The following DHX33 variants were observed in gnomAD, a reference collection of about 807,000 sequenced individuals.
DHX33 encodes the protein ATP-dependent RNA helicase DHX33.
In DHX33, 42 loss-of-function variants were observed where a neutral mutation model predicts 72.5. The observed-to-expected ratio is 0.58, with a 90% CI of 0.45 to 0.75. The LOEUF (loss-of-function observed/expected upper bound fraction) is 0.75, where lower values mean the gene tolerates loss of function less well. Ranked by LOEUF, DHX33 falls within the 30% of genes least tolerant of loss-of-function variation. The pLI is 0.00. For missense variants in DHX33, 842 were observed against 917.5 expected, an observed-to-expected ratio of 0.92 and a Z score of 1.06; for synonymous variants, 358 against 366.1, an observed-to-expected ratio of 0.98 and a Z score of 0.25.
rs1904675540 is a variant in DHX33, at chr17:5,462,318, C to T, written c.678+1G>A. On this transcript the variant is annotated splice_donor_variant, in intron 3 of 11. Coordinates refer to ENST00000225296, the MANE Select transcript of DHX33 (RefSeq NM_020162.4). LOFTEE classifies it high-confidence loss of function. The stretch of plus-strand genomic sequence containing the variant: ...ACTTTCAGGGGAAGTTTCCCTCATA[C>T]TTTCAGAGGAAGTTTCCCGAGTTCC... 6.2e-7 allele frequency: 1 copy of T among 1,613,356 alleles called. No homozygotes were observed. Among genetic ancestry groups the T allele is most frequent in the South Asian group, 1.1e-5 (1 of 91,042 alleles).
At position 5,456,202 on chromosome 17, in the gene DHX33, G is replaced by C. The variant is rs1567600943; in HGVS notation, c.850-20C>G. ...GGCTTCCTGTAAAAAAAGTAGAGTG[G>C]GTTTACTAGGCATTGATAGAATTGC... On this transcript the variant is annotated intron_variant, in intron 4 of 11. Coordinates refer to ENST00000225296, the MANE Select transcript of DHX33 (RefSeq NM_020162.4). The C allele has an allele frequency of 1.9e-6, 3 of 1,611,256 alleles. No individual in the cohort carries two copies. Among genetic ancestry groups the C allele is most frequent in the Non-Finnish European group, 2.5e-6 (3 of 1,177,734 alleles).
intron 4 of DHX33, among the ~76,000 whole-genome samples, chr17:5,457,832 A>C (rs940697131): frequency 2.6e-5 from 4 of 152,194 alleles, no homozygotes; most frequent in Non-Finnish European, 4.4e-5. Flanking sequence ...TGGTAACCTA[A>C]TGCACCAGCA....
rs1373325672 is a variant in DHX33 at position 5,468,953 on chromosome 17, G to T, written c.-94C>A. The T allele has an allele frequency of 3.1e-5, 38 of 1,240,378 alleles. No homozygotes were observed. Among genetic ancestry groups the T allele is most frequent in the Non-Finnish European group, 4.2e-5 (38 of 897,118 alleles). 76.8% of individuals were successfully genotyped at this position (1,240,378 alleles called of 1,614,324 possible). ...AGGAGCACACCGCCCCTTCCTCGCC[G>T]CCACGTGCTGGCGGCTCCCGGCGAC... On this transcript the variant is annotated 5_prime_UTR_variant, in exon 1 of 12. Transcript: ENST00000225296.
At position 5,444,805 on chromosome 17, in the gene DHX33, A is replaced by C. The variant is rs1916583753; in HGVS notation, c.1816-292T>G. On this transcript the variant is annotated intron_variant, in intron 11 of 11. Transcript: ENST00000225296. This position sits in a 1 kb window ranked among gnomAD's most constrained non-coding sequence, Gnocchi z 4.9. ...AGACCACAGGCAGGTTGGGTGACCC[A>C]CCCCTCACCTAAATTCCATCAGGAC... Among the ~76,000 whole-genome samples the C allele has an allele frequency of 6.6e-6, 1 of 151,676 alleles. No individual in the cohort carries two copies. Among genetic ancestry groups the C allele is most frequent in the Non-Finnish European group, 1.5e-5 (1 of 67,904 alleles).
chr17:5,467,930 T>C (rs1449275999), intron 1 of DHX33, among the ~76,000 whole-genome samples: 1 of 152,220 alleles, frequency 6.6e-6, no homozygotes, highest in African/African-American at 2.4e-5. Flanking sequence ...CTCTTACAAA[T>C]AGCTCACATC....
At chr17:5,446,618 G>T (rs1329735782) in intron 11 of DHX33, among the ~76,000 whole-genome samples, 1 of 152,216 alleles carries the variant, frequency 6.6e-6, no homozygotes, top group Non-Finnish European at 1.5e-5. Flanking sequence ...CTTCATGAAT[G>T]ATAGTGATTA....
chr17:5,454,058 C>T lies in DHX33; in HGVS notation c.1148-78G>A, dbSNP rs564154989. 40 of 1,512,976 alleles carry T rather than the reference C, an allele frequency of 2.6e-5. No homozygotes were observed. In the African/African-American group the frequency reaches 5.1e-4, roughly 19 times the overall value. The allele number at this position is 1,512,976 out of a possible 1,614,324, so 93.7% of individuals were successfully genotyped here. A position where few individuals can be genotyped will look rare whatever the true frequency, so the allele number is the denominator to read the frequency against. Reference sequence around the variant, plus strand: ...TACAGTGTCGATAAAAAGAAGCACACCAGTGGTTCTTTCAGCAACACGGGG... The same window carrying T: ...TACAGTGTCGATAAAAAGAAGCACATCAGTGGTTCTTTCAGCAACACGGGG... On this transcript the variant is annotated intron_variant, in intron 6 of 11. Transcript: ENST00000225296.
chr17:5,461,128 A>T lies in DHX33; in HGVS notation c.679-19T>A, dbSNP rs781011873. 2 of 1,592,980 alleles carry T rather than the reference A, an allele frequency of 1.3e-6. No individual in the cohort carries two copies. Among genetic ancestry groups the T allele is most frequent in the Non-Finnish European group, 1.7e-6 (2 of 1,165,276 alleles). ...CAATCACCTGCATAAGAGAACGAAG[A>T]GGAGGACCAGAAACAAATAGTGGGA... On this transcript the variant is annotated intron_variant, in intron 3 of 11. Coordinates refer to ENST00000225296, the MANE Select transcript of DHX33 (RefSeq NM_020162.4).
At chr17:5,453,426 T>C (rs564266299) in intron 8 of DHX33, among the ~76,000 whole-genome samples, 154 bp downstream of exon 8, 2 of 152,358 alleles carry the variant, frequency 1.3e-5, no homozygotes. Context: ...TATCATTTCA[T>C]GATTTTCAGA....
chr17:5,463,338 T>G (rs1904727070), intron 2 of DHX33, among the ~76,000 whole-genome samples, 191 bp downstream of exon 2: 2 of 152,160 alleles, frequency 1.3e-5, no homozygotes, highest in Non-Finnish European at 1.5e-5. Flanking sequence ...GACGACAGAT[T>G]TTGAAAGCAA....
chr17:5,450,112 C>G, intron 10 of DHX33, 91 bp downstream of exon 10: 1 of 1,487,484 alleles, frequency 6.7e-7, no homozygotes, highest in Non-Finnish European at 9.3e-7. Context: ...AAAGGGAAAG[C>G]GTACTTTTTG....
At chr17:5,463,742 T>C (rs1904749863) in intron 1 of DHX33, 53 bp from the exon 2 acceptor site, 2 of 1,518,668 alleles carry the variant, frequency 1.3e-6, no homozygotes, top group Non-Finnish European at 1.8e-6. Flanking sequence ...AAACTGGGGC[T>C]CGGCACCAGG....
At chr17:5,445,808 G>T (rs1162614664) in intron 11 of DHX33, among the ~76,000 whole-genome samples, 1 of 152,220 alleles carries the variant, frequency 6.6e-6, no homozygotes, top group Non-Finnish European at 1.5e-5. Context: ...CAGGTCCAGA[G>T]AAAGTGGCGG....
intron 10 of DHX33, 76 bp from the exon 11 acceptor site, chr17:5,448,971 G>T (rs528827534): frequency 1.9e-4 from 222 of 1,193,988 alleles, no homozygotes; most frequent in Non-Finnish European, 2.6e-4. Context: ...GTCTTGCTCT[G>T]TTCCCTAGGC....
chr17:5,447,597 C>T (rs1042611260), intron 11 of DHX33, among the ~76,000 whole-genome samples: 3 of 151,588 alleles, frequency 2.0e-5, no homozygotes, highest in Non-Finnish European at 2.9e-5. Flanking sequence ...GCACTCCAGC[C>T]TGGGCAACAA....
At chr17:5,465,459 T>C (rs1201803032) in intron 1 of DHX33, among the ~76,000 whole-genome samples, 2 of 152,240 alleles carry the variant, frequency 1.3e-5, no homozygotes, top group Non-Finnish European at 2.9e-5. Context: ...ACAAAATGCT[T>C]GGAACCAGAA....
intron 5 of DHX33, 83 bp downstream of exon 5, chr17:5,455,913 GA>G: frequency 7.0e-7 from 1 of 1,428,330 alleles, no homozygotes; most frequent in Non-Finnish European, 9.5e-7. Context: ...ACCTTATCTG[GA>G]GCCTGGTAAC....
chr17:5,460,030 T>G (rs1310533753), intron 4 of DHX33, among the ~76,000 whole-genome samples: 2 of 147,750 alleles, frequency 1.4e-5, no homozygotes, highest in African/African-American at 5.3e-5. Flanking sequence ...TTTTTTTTTT[T>G]TTGAGACAGA....
chr17:5,450,961 GCC>G (rs1260084989), intron 8 of DHX33, 27 bp from the exon 9 acceptor site: 5 of 1,603,830 alleles, frequency 3.1e-6, no homozygotes, highest in Admixed American at 1.7e-5. Flanking sequence ...ATAAAAAGGA[GCC>G]AAAAGTCCAA....
Sources: gnomAD v4.1 joint callset for allele counts (sites outside exome capture counted in the v4.1 genomes callset) on GRCh38, gnomAD v4.1.1 for gene constraint, Gnocchi (gnomAD v3.1) non-coding constraint, MANE v1.5 for transcripts, NCBI Gene and HGNC (gene_info 2026-07-23, HGNC 2026-07-21) for gene names.